The following MACF1 variants were observed in gnomAD, a reference collection of about 807,000 sequenced individuals.
The protein encoded by MACF1 is microtubule actin crosslinking factor 1.
Under a neutral mutation model 854.8 loss-of-function variants are expected in MACF1, and 193 were observed. That is an observed-to-expected ratio of 0.23 (90% CI 0.20 to 0.25). The LOEUF (loss-of-function observed/expected upper bound fraction) is 0.25, where lower values mean the gene tolerates loss of function less well. Ranked by LOEUF, MACF1 falls within the 10% of genes least tolerant of loss-of-function variation. MACF1 has a pLI of 1.00. For synonymous variants in MACF1, 3,185 were observed against 3,226.7 expected (o/e 0.99, Z 0.44); for missense variants, 7,722 against 8,929.1 (o/e 0.86, Z 5.45).
At chr1:39,290,602 T>G (rs1645756657) in intron 15 of MACF1, among the ~76,000 whole-genome samples, 1 of 151,082 alleles carries the variant, frequency 6.6e-6, no homozygotes, top group Non-Finnish European at 1.5e-5. Flanking sequence ...AATCTGTTTT[T>G]TTTTTTTTTT....
chr1:39,468,432 A>G (rs571768703), intron 95 of MACF1, among the ~76,000 whole-genome samples, 183 bp from the exon 96 acceptor site: 2 of 152,338 alleles, frequency 1.3e-5, no homozygotes, highest in South Asian at 2.1e-4. Context: ...TTAGCTTGAT[A>G]TTTCTGCTTT....
intron 60 of MACF1, among the ~76,000 whole-genome samples, chr1:39,423,472 A>G (rs1168434921): frequency 6.6e-6 from 1 of 151,836 alleles, no homozygotes; most frequent in Non-Finnish European, 1.5e-5. Flanking sequence ...CATCTCTACT[A>G]AAAATACAAA....
At chr1:39,427,304 A>T in intron 61 of MACF1, 151 bp from the exon 62 acceptor site, 1 of 588,690 alleles carries the variant, frequency 1.7e-6, no homozygotes, top group Non-Finnish European at 2.9e-6. Context: ...GAAATCCTTT[A>T]AAACATCGAA....
chr1:39,365,073 C>A (rs978304792), intron 49 of MACF1, among the ~76,000 whole-genome samples: 1 of 151,914 alleles, frequency 6.6e-6, no homozygotes, highest in Non-Finnish European at 1.5e-5. Flanking sequence ...GCTCCAAAAT[C>A]TGAAACTTTT....
intron 58 of MACF1, among the ~76,000 whole-genome samples, chr1:39,398,247 T>C (rs536378127): frequency 6.6e-6 from 1 of 151,180 alleles, no homozygotes; most frequent in South Asian, 2.1e-4. Flanking sequence ...CAAGTGATCC[T>C]CCTGCCTCAG....
intron 2 of MACF1, among the ~76,000 whole-genome samples, chr1:39,185,515 T>A (rs183731771): frequency 0.063 from 9,170 of 146,066 alleles, 409 homozygotes; most frequent in Non-Finnish European, 0.1. Context: ...AAAAAAAAAA[T>A]TTTTTTTTTA....
At chr1:39,413,120 C>T in intron 58 of MACF1, 1 of 1,609,864 alleles carries the variant, frequency 6.2e-7, no homozygotes, top group African/African-American at 1.3e-5. Context: ...GCAGGGTTCT[C>T]CCCAGAGTGG....
At chr1:39,340,479 G>A (rs1357484556) in intron 38 of MACF1, 23 bp from the exon 39 acceptor site, 1 of 1,567,830 alleles carries the variant, frequency 6.4e-7, no homozygotes. Flanking sequence ...GCTTTTATAG[G>A]TAACTCCACT....
chr1:39,272,204 A>G (rs1170842233), intron 6 of MACF1, among the ~76,000 whole-genome samples: 6 of 152,214 alleles, frequency 3.9e-5, no homozygotes, highest in African/African-American at 9.6e-5. Context: ...ACTTATCAAG[A>G]TAAGTGTGAC....
intron 58 of MACF1, chr1:39,413,830 G>T (rs761599538): frequency 1.2e-6 from 2 of 1,611,320 alleles, no homozygotes; most frequent in Admixed American, 1.7e-5. Flanking sequence ...TGCAGCTGTG[G>T]TGGCCACCCT....
Position 39,433,113 on chromosome 1 carries a change from A to C in MACF1, c.17523A>C (p.Glu5841Asp), listed in dbSNP as rs767914856. The change falls in exon 68 of 101, where the codon GAA becomes GAC. Residue 5841 changes from glutamate to aspartate, a missense_variant. Transcript: ENST00000564288. ...SMDELFSHRS[E>D]IFGTCGEEQK... ...ATGAACTCTTCAGTCACCGTAGTGA[A>C]ATCTTTGGCACATGTGGGGAGGAGC... The C allele has an allele frequency of 1.2e-6, 2 of 1,612,608 alleles. No individual in the cohort carries two copies. Among genetic ancestry groups the C allele is most frequent in the African/African-American group, 1.3e-5 (1 of 75,014 alleles).
At chr1:39,106,657 C>A (rs985443089) in intron 2 of MACF1, among the ~76,000 whole-genome samples, 1 of 152,080 alleles carries the variant, frequency 6.6e-6, no homozygotes, top group Non-Finnish European at 1.5e-5. Flanking sequence ...AGCTCGGGCC[C>A]TTGTGACTAG....
At chr1:39,430,954 T>A (rs747508411) in intron 66 of MACF1, 46 bp downstream of exon 66, 1 of 1,519,604 alleles carries the variant, frequency 6.6e-7, no homozygotes, top group Non-Finnish European at 9.1e-7. Flanking sequence ...ACAGTATTGA[T>A]GTGTGAGATA....
intron 1 of MACF1, among the ~76,000 whole-genome samples, 197 bp downstream of exon 1, chr1:39,205,328 G>A (rs1040862546): frequency 6.6e-6 from 1 of 152,072 alleles, no homozygotes; most frequent in Non-Finnish European, 1.5e-5. Context: ...TGGGATGGGG[G>A]TGGTGCTCTT....
Position 39,303,482 on chromosome 1 carries a change from G to A in MACF1, c.2789+404G>A, listed in dbSNP as rs139591339. Among the ~76,000 whole-genome samples, 380 of 151,828 alleles carry A rather than the reference G, an allele frequency of 2.5e-3. 1 individual carries two copies. The highest frequency in any genetic ancestry group is 4.3e-3 in the Non-Finnish European group (291 of 67,930). On this transcript the variant is annotated intron_variant, in intron 23 of 100. Transcript: ENST00000564288. The stretch of plus-strand genomic sequence containing the variant: ...ATGAGAATTGCTTGACCAAGGAGGC[G>A]GAGTTTGCAGTCAGCTGAGATTGCG...
chr1:39,308,442 C>A (rs955709499), intron 23 of MACF1, among the ~76,000 whole-genome samples: 5 of 151,968 alleles, frequency 3.3e-5, no homozygotes, highest in Admixed American at 3.3e-4. Context: ...GGATTTAATG[C>A]CTCCTATTTA....
At chr1:39,111,288 C>CG (rs1315735786) in intron 2 of MACF1, among the ~76,000 whole-genome samples, 2 of 152,278 alleles carry the variant, frequency 1.3e-5, no homozygotes, top group African/African-American at 4.8e-5. Context: ...CTCAAACCCC[C>CG]GGGCTCACAT....
chr1:39,408,731 T>G (rs932746973), intron 58 of MACF1, among the ~76,000 whole-genome samples: 6 of 151,932 alleles, frequency 3.9e-5, no homozygotes, highest in African/African-American at 1.4e-4. Context: ...GCGGGTTCCG[T>G]TCCTCTCCTT....
rs1326712645 is a variant in MACF1, at chr1:39,434,600, G to C, written c.17752G>C (p.Glu5918Gln). 6.2e-7 allele frequency: 1 copy of C among 1,613,972 alleles called. No homozygotes were observed. The highest frequency in any genetic ancestry group is 8.5e-7 in the Non-Finnish European group (1 of 1,180,016). Reference protein sequence around the residue: ...AQLPSPAIDHEQLRQQQEEMR... With the variant: ...AQLPSPAIDHQQLRQQQEEMR... ...GTTACCCTCTCCAGCCATTGATCAT[G>C]AGCAGCTCAGGCAGCAACAAGAGGA... The change falls in exon 69 of 101, where the codon GAG becomes CAG. Residue 5918 changes from glutamate (E) to glutamine (Q), a missense_variant. Around this residue, in one of 15 missense-constraint regions of MACF1, gnomAD observed 2,807 missense variants for 3,235.8 expected, o/e 0.87. Transcript: ENST00000564288.
Sources: allele counts gnomAD v4.1 joint callset (sites outside exome capture counted in the v4.1 genomes callset), GRCh38; gene constraint gnomAD v4.1.1; regional missense constraint gnomAD v4.1.1; transcripts MANE v1.5; gene names NCBI Gene and HGNC (gene_info 2026-07-23, HGNC 2026-07-21).